Variants in KCNH2 observed in about 807,000 individuals in gnomAD.
The protein encoded by KCNH2 is voltage-gated inwardly rectifying potassium channel KCNH2.
A neutral mutation model predicts 95.9 loss-of-function variants in KCNH2; 35 were observed. That is an observed-to-expected ratio of 0.37 (90% CI 0.28 to 0.48). The LOEUF is 0.48. Among genes scored for constraint, KCNH2 ranks in the 20% least tolerant of loss-of-function variants. The pLI is 0.99. For missense variants in KCNH2, 1,274 were observed against 1,702.9 expected (o/e 0.75, Z 4.43); for synonymous variants, 786 against 754.7 (o/e 1.04, Z -0.68).
chr7:150,946,899 A>G lies in KCNH2; in HGVS notation c.3308T>C (p.Leu1103Pro), dbSNP rs754108936. 1 of 1,591,962 alleles carries G rather than the reference A, an allele frequency of 6.3e-7. No individual in the cohort carries two copies. The highest frequency in any genetic ancestry group is 1.7e-5 in the Admixed American group (1 of 58,828). The change falls in exon 14 of 15, where the codon CTC (leucine) becomes CCC (proline). Residue 1103 changes from leucine to proline, a missense_variant. Physicochemically the swap from Leu to Pro is moderately conservative, Grantham distance 98. Transcript: ENST00000262186. This position sits in a 1 kb window ranked among gnomAD's most constrained non-coding sequence, Gnocchi z 6.5. The part of the protein sequence containing the change: ...PLLPVSPLPT[L>P]TLDSLSQVSQ... ...TACCTGAGAAAGCGAGTCCAAGGTG[A>G]GGGTGGGGAGGGGGCTGACGGGCAA...
chr7:150,959,224 T>C (rs748301960), intron 3 of KCNH2, among the ~76,000 whole-genome samples: 22 of 152,118 alleles, frequency 1.4e-4, no homozygotes, highest in Non-Finnish European at 2.8e-4. Context: ...TGCTCCCAGG[T>C]GGTCATGTTC....
Position 150,978,146 on chromosome 7 carries a change from G to A in KCNH2, c.-233C>T. The A allele has an allele frequency of 6.7e-6, 1 of 148,346 alleles. No individual in the cohort carries two copies. The highest frequency in any genetic ancestry group is 1.5e-5 in the Non-Finnish European group (1 of 67,194). 9.2% of individuals were successfully genotyped at this position (148,346 alleles called of 1,614,324 possible). On this transcript the variant is annotated 5_prime_UTR_variant, in exon 1 of 15. Transcript: ENST00000262186. ...CCTGAGCGCGAGCCGCCCGCCGCCG[G>A]CACACCTGTCTGCCGGCCCCCGCCG...
rs774109163 is a variant in KCNH2 at position 150,950,110 on chromosome 7, G to C, written c.2398+58C>G. 13 of 1,611,106 alleles carry C rather than the reference G, an allele frequency of 8.1e-6. No individual in the cohort carries two copies. The highest frequency in any genetic ancestry group is 9.3e-6 in the Non-Finnish European group (11 of 1,178,366). ...CAGTGACTGCATATTCAGAAGGCTC[G>C]CACCTCTTGAGGCTGCAGAGGGCAT... On this transcript the variant is annotated intron_variant, in intron 9 of 14. Coordinates refer to ENST00000262186, the MANE Select transcript of KCNH2 (RefSeq NM_000238.4).
chr7:150,947,280 G>T, intron 13 of KCNH2, 48 bp downstream of exon 13: 3 of 1,466,154 alleles, frequency 2.0e-6, no homozygotes, highest in Non-Finnish European at 2.8e-6. Context: ...GCCAGGACCT[G>T]GACCAGACTC....
In KCNH2 at chr7:150,946,415, G is replaced by A. The variant is rs181913426; in HGVS notation, c.3330+462C>T. 5.2e-4 allele frequency among the ~76,000 whole-genome samples: 79 copies of A among 152,314 alleles called. No individual in the cohort carries two copies. The highest frequency in any genetic ancestry group is 1.9e-3 in the African/African-American group (77 of 41,568). Reference sequence around the variant, plus strand: ...GCCAAGGGCAAGGATGGGCAGGACGGTGAGACCAGGGAGTGTCACTCACAG... The same window carrying A: ...GCCAAGGGCAAGGATGGGCAGGACGATGAGACCAGGGAGTGTCACTCACAG... On this transcript the variant is annotated intron_variant, in intron 14 of 14. Transcript: ENST00000262186. This position sits in a 1 kb window ranked among gnomAD's most constrained non-coding sequence, Gnocchi z 6.5.
intron 2 of KCNH2, among the ~76,000 whole-genome samples, 178 bp downstream of exon 2, chr7:150,974,533 C>A (rs1002664596): frequency 2.0e-5 from 3 of 152,302 alleles, no homozygotes; most frequent in African/African-American, 7.2e-5. Context: ...AACCGCGCCT[C>A]CCACAGGCAC....
At chr7:150,977,313 T>C (rs1802001804) in intron 1 of KCNH2, among the ~76,000 whole-genome samples, 1 of 152,074 alleles carries the variant, frequency 6.6e-6, no homozygotes, top group African/African-American at 2.4e-5. Flanking sequence ...AACTCACGGG[T>C]GACACATGGG....
At chr7:150,976,020 C>G (rs1318055845) in intron 1 of KCNH2, among the ~76,000 whole-genome samples, 1 of 152,234 alleles carries the variant, frequency 6.6e-6, no homozygotes, top group Admixed American at 6.5e-5. Context: ...GCCAGGCTGG[C>G]GAGTGAGCAG....
At position 150,947,383 on chromosome 7, in the gene KCNH2, G is replaced by A. The variant is rs199473021; in HGVS notation, c.3097C>T (p.Arg1033Trp). 57 of 1,548,498 alleles carry A rather than the reference G, an allele frequency of 3.7e-5. No homozygotes were observed. In the Admixed American group the frequency reaches 5.5e-4, roughly 15 times the overall value. The change falls in exon 13 of 15, where the codon CGG becomes TGG. Residue 1033 changes from arginine (R) to tryptophan (W), a missense_variant. Arg to Trp is a moderately radical substitution (Grantham distance 101). Transcript: ENST00000262186. The stretch of plus-strand genomic sequence containing the variant: ...CTGCTCTCCACGTCGCCCCGGGGCC[G>A]CCGACCCGGGCTGGAGAGGGGGATG... Reference protein sequence around the residue: ...LNIPLSSPGRRPRGDVESRLD... With the variant: ...LNIPLSSPGRWPRGDVESRLD...
rs1344102246 is a variant in KCNH2 at position 150,961,807 on chromosome 7, C to G, written c.308-2071G>C. 6.6e-6 allele frequency among the ~76,000 whole-genome samples: 1 copy of G among 152,166 alleles called. No individual in the cohort carries two copies. Among genetic ancestry groups the G allele is most frequent in the Non-Finnish European group, 1.5e-5 (1 of 68,024 alleles). ...GTCAAGGGGCTGCGTGCTGGGGAGGCAGGGAGCAGGCCAGGTGGGAAGGGC... is the reference window on the plus strand; with the variant it reads ...GTCAAGGGGCTGCGTGCTGGGGAGGGAGGGAGCAGGCCAGGTGGGAAGGGC... On this transcript the variant is annotated intron_variant, in intron 2 of 14. Transcript: ENST00000262186. The surrounding 1 kb of genome is among the most constrained non-coding windows in gnomAD (Gnocchi z 6.2).
chr7:150,978,237 G>A lies in KCNH2; in HGVS notation c.-324C>T, dbSNP rs1389802294. 2 of 146,426 alleles carry A rather than the reference G, an allele frequency of 1.4e-5. No homozygotes were observed. The highest frequency in any genetic ancestry group is 4.9e-5 in the African/African-American group (2 of 40,740). 9.1% of individuals were successfully genotyped at this position (146,426 alleles called of 1,614,324 possible). A position where few individuals can be genotyped will look rare whatever the true frequency, so the allele number is the denominator to read the frequency against. ...CGCCCGCCCGAGCCCCGGACTCCTG[G>A]CTCCCGCCTGCCACCGCGCCGACAG... On this transcript the variant is annotated 5_prime_UTR_variant, in exon 1 of 15. Transcript: ENST00000262186.
Position 150,951,710 on chromosome 7 carries a change from C to T in KCNH2, c.1683G>A (p.Ala561=), listed in dbSNP as rs140366118. 1.1e-4 allele frequency: 182 copies of T among 1,614,102 alleles called. No homozygotes were observed. Among genetic ancestry groups the T allele is most frequent in the Admixed American group, 2.7e-4 (16 of 60,032 alleles). ...CGTACCAGATGCAGGCTAGCCAGTG[C>T]GCGATGAGCGCAAAGGTGCACATGA... The part of the protein sequence containing the change: ...FLLMCTFALI[A]HWLACIWYAI... Residue 561 remains alanine (A), a synonymous_variant, in exon 7 of 15, where the codon GCG becomes GCA. Transcript: ENST00000262186.
At chr7:150,973,992 G>C (rs1206005902) in intron 2 of KCNH2, among the ~76,000 whole-genome samples, 1 of 152,208 alleles carries the variant, frequency 6.6e-6, no homozygotes, top group Non-Finnish European at 1.5e-5. Context: ...ACCCCAACAG[G>C]GCATTCACGG....
intron 2 of KCNH2, among the ~76,000 whole-genome samples, chr7:150,972,436 CTGAG>C (rs1563187337): frequency 6.6e-6 from 1 of 152,214 alleles, no homozygotes; most frequent in Non-Finnish European, 1.5e-5. Context: ...ACAGGAGGGA[CTGAG>C]TGTTTCAAGG....
At chr7:150,960,459 G>A (rs1385708951) in intron 2 of KCNH2, among the ~76,000 whole-genome samples, 3 of 152,146 alleles carry the variant, frequency 2.0e-5, no homozygotes, top group East Asian at 3.9e-4. Context: ...CACTACAGAC[G>A]GTTAGCTGTT....
At chr7:150,974,473 T>G (rs1801919778) in intron 2 of KCNH2, among the ~76,000 whole-genome samples, 1 of 152,078 alleles carries the variant, frequency 6.6e-6, no homozygotes, top group South Asian at 2.1e-4. Flanking sequence ...GCCTAGCAAC[T>G]CCTTTGCCCT....
Position 150,952,300 on chromosome 7 carries a change from C to G in KCNH2, c.1557+125G>C. 2 of 1,090,922 alleles carry G rather than the reference C, an allele frequency of 1.8e-6. No individual in the cohort carries two copies. Among genetic ancestry groups the G allele is most frequent in the Non-Finnish European group, 2.7e-6 (2 of 741,510 alleles). The allele number at this position is 1,090,922 out of a possible 1,614,324, so 67.6% of individuals were successfully genotyped here. On this transcript the variant is annotated intron_variant, in intron 6 of 14. Coordinates refer to ENST00000262186, the MANE Select transcript of KCNH2 (RefSeq NM_000238.4). This position sits in a 1 kb window ranked among gnomAD's most constrained non-coding sequence, Gnocchi z 7.3. ...TGCCACCATGTCTCTCTCCCACTGT[C>G]TTTCTCTCTTTCTCTCTCTCTCTCT...
At chr7:150,951,904 C>A in intron 6 of KCNH2, 69 bp from the exon 7 acceptor site, 1 of 1,425,158 alleles carries the variant, frequency 7.0e-7, no homozygotes, top group South Asian at 1.3e-5. Flanking sequence ...GGAGGTGCTG[C>A]GGCCCTCAGA....
chr7:150,947,675 C>A lies in KCNH2; in HGVS notation c.2896G>T (p.Glu966Ter). The stretch of plus-strand genomic sequence containing the variant: ...ATCAGGGGCTCCCCACCCGGCGGCT[C>A]TCCGGGGGGCCTGGGGCTGGAGAAG... ...VPFSSPRPPG[E>*]PPGGEPLMED... The change falls in exon 12 of 15, where the codon GAG becomes TAG. Residue 966 changes from glutamate to a stop codon, truncating the protein, a stop_gained. Transcript: ENST00000262186. LOFTEE classifies it high-confidence loss of function. The A allele has an allele frequency of 1.2e-6, 2 of 1,605,182 alleles. No homozygotes were observed. Among genetic ancestry groups the A allele is most frequent in the Non-Finnish European group, 1.7e-6 (2 of 1,176,356 alleles).
Sources: gnomAD v4.1 joint callset for allele counts (sites outside exome capture counted in the v4.1 genomes callset) on GRCh38, gnomAD v4.1.1 for gene constraint, Gnocchi (gnomAD v3.1) non-coding constraint, MANE v1.5 for transcripts, NCBI Gene and HGNC (gene_info 2026-07-23, HGNC 2026-07-21) for gene names.